ITGB4: variants seen among roughly 807,000 people sequenced by gnomAD.
ITGB4 encodes the protein integrin subunit beta 4.
In ITGB4, 159 loss-of-function variants were observed where a neutral mutation model predicts 207.6. The observed-to-expected ratio is 0.77, with a 90% CI of 0.67 to 0.87. ITGB4 has a LOEUF of 0.87. Ranked by LOEUF, ITGB4 falls within the 40% of genes least tolerant of loss-of-function variation. ITGB4 has a pLI of 0.00. For synonymous variants in ITGB4, 1,020 were observed against 1,062.7 expected (o/e 0.96, Z 0.78); for missense variants, 2,278 against 2,546.8 (o/e 0.89, Z 2.27).
Position 75,748,935 on chromosome 17 carries a change from C to G in ITGB4, c.3206C>G (p.Ser1069Cys). 1.2e-6 allele frequency: 2 copies of G among 1,613,280 alleles called. No individual in the cohort carries two copies. Among genetic ancestry groups the G allele is most frequent in the Non-Finnish European group, 1.7e-6 (2 of 1,179,940 alleles). ...CTCCTGGAGCTGCAAGAAGTTGACT[C>G]CCTCCTGCGGGGCCGCCAGGTCCGC... Reference protein sequence around the residue: ...VKLLELQEVDSLLRGRQVRRF... With the variant: ...VKLLELQEVDCLLRGRQVRRF... Residue 1069 changes from serine (S) to cysteine (C), a missense_variant, in exon 27 of 40, where the codon TCC (serine) becomes TGC (cysteine). Ser to Cys is a moderately radical substitution (Grantham distance 112). Transcript: ENST00000200181.
Position 75,727,090 on chromosome 17 carries a change from A to C in ITGB4, c.80-105A>C. The C allele has an allele frequency of 3.4e-6, 3 of 875,242 alleles. No homozygotes were observed. The highest frequency in any genetic ancestry group is 5.6e-6 in the Non-Finnish European group (3 of 532,664). The allele number at this position is 875,242 out of a possible 1,614,324, so 54.2% of individuals were successfully genotyped here. A position where few individuals can be genotyped will look rare whatever the true frequency, so the allele number is the denominator to read the frequency against. On this transcript the variant is annotated intron_variant, in intron 2 of 39. Coordinates refer to ENST00000200181, the MANE Select transcript of ITGB4 (RefSeq NM_000213.5). The surrounding 1 kb of genome is among the most constrained non-coding windows in gnomAD (Gnocchi z 6.0). The stretch of plus-strand genomic sequence containing the variant: ...TCTGTCTCAAAATAAATAAATAAAT[A>C]ACATAAGGAGGGAATCCCCATCTCT...
chr17:75,746,443 G>C (rs2061234244), intron 26 of ITGB4: 1 of 152,034 alleles, frequency 6.6e-6, no homozygotes, highest in African/African-American at 2.4e-5. Context: ...ATGTTGGTCA[G>C]GCTGGTCTCG....
Position 75,731,329 on chromosome 17 carries a change from G to A in ITGB4, c.1176G>A (p.Lys392=). The A allele has an allele frequency of 6.2e-7, 1 of 1,613,408 alleles. No homozygotes were observed. The highest frequency in any genetic ancestry group is 8.5e-7 in the Non-Finnish European group (1 of 1,179,994). Residue 392 remains lysine (K), a synonymous_variant, in exon 10 of 40, where the codon AAG becomes AAA. Coordinates refer to ENST00000200181, the MANE Select transcript of ITGB4 (RefSeq NM_000213.5). The surrounding 1 kb of genome is among the most constrained non-coding windows in gnomAD (Gnocchi z 6.8). Reference sequence around the variant, plus strand: ...AGGTCACCTCCAAGATGTTCCAGAAGACGAGGACTGGGTCCTTTCACATCC... The same window carrying A: ...AGGTCACCTCCAAGATGTTCCAGAAAACGAGGACTGGGTCCTTTCACATCC... ...RTEVTSKMFQ[K]TRTGSFHIRR...
In ITGB4 at chr17:75,729,207, C is replaced by A; in HGVS notation, c.567-58C>A. On this transcript the variant is annotated intron_variant, in intron 6 of 39. Coordinates refer to ENST00000200181, the MANE Select transcript of ITGB4 (RefSeq NM_000213.5). The surrounding 1 kb of genome is among the most constrained non-coding windows in gnomAD (Gnocchi z 4.4). ...TTCTAGTTGAAACGAGCCAGGGGCA[C>A]TGGGGTCTGCGGCGTCTTCCCCCTG... 6.5e-7 allele frequency: 1 copy of A among 1,549,450 alleles called. No individual in the cohort carries two copies. Among genetic ancestry groups the A allele is most frequent in the Admixed American group, 1.7e-5 (1 of 57,434 alleles).
chr17:75,748,762 G>A (rs911664066), intron 26 of ITGB4, 79 bp from the exon 27 acceptor site: 10 of 1,053,274 alleles, frequency 9.5e-6, no homozygotes, highest in African/African-American at 1.6e-5. Context: ...GTGTCCATGA[G>A]GTTGGGAGGG....
Position 75,752,444 on chromosome 17 carries a change from A to C in ITGB4, c.3977-2A>C. ...GCCCTGGCTCACTCCCCTGCCCTGCAGTCCCCATCATCCCTGACATCCCTA... is the reference window on the plus strand; with the variant it reads ...GCCCTGGCTCACTCCCCTGCCCTGCCGTCCCCATCATCCCTGACATCCCTA... On this transcript the variant is annotated splice_acceptor_variant, in intron 31 of 39. Transcript: ENST00000200181. LOFTEE classifies it high-confidence loss of function. 2.5e-6 allele frequency: 4 copies of C among 1,613,330 alleles called. No homozygotes were observed. The highest frequency in any genetic ancestry group is 3.4e-6 in the Non-Finnish European group (4 of 1,179,954).
chr17:75,721,793 G>A, intron 1 of ITGB4, among the ~76,000 whole-genome samples, 181 bp downstream of exon 1: 1 of 152,244 alleles, frequency 6.6e-6, no homozygotes, highest in East Asian at 1.9e-4. Context: ...CAAGGGGCAG[G>A]GCAGCTAGAG....
chr17:75,740,628 G>A lies in ITGB4; in HGVS notation c.2551-165G>A, dbSNP rs2061086160. ...GCATCCTGGGATCTGTTTCCAGAGG[G>A]CAGAAGGCCAGAGCCTGGGCCCAGG... On this transcript the variant is annotated intron_variant, in intron 21 of 39. Transcript: ENST00000200181. This position sits in a 1 kb window ranked among gnomAD's most constrained non-coding sequence, Gnocchi z 5.9. 8 of 968,322 alleles carry A rather than the reference G, an allele frequency of 8.3e-6. No individual in the cohort carries two copies. The South Asian group carries it at 1.1e-4, about 13-fold the overall frequency. 60.0% of individuals were successfully genotyped at this position (968,322 alleles called of 1,614,324 possible). A position where few individuals can be genotyped will look rare whatever the true frequency, so the allele number is the denominator to read the frequency against.
Position 75,731,768 on chromosome 17 carries a change from C to T in ITGB4, c.1216-44C>T, listed in dbSNP as rs1432825378. The T allele has an allele frequency of 5.9e-6, 9 of 1,536,794 alleles. No individual in the cohort carries two copies. The highest frequency in any genetic ancestry group is 2.4e-5 in the East Asian group (1 of 40,904). On this transcript the variant is annotated intron_variant, in intron 10 of 39. Coordinates refer to ENST00000200181, the MANE Select transcript of ITGB4 (RefSeq NM_000213.5). This position sits in a 1 kb window ranked among gnomAD's most constrained non-coding sequence, Gnocchi z 6.8. ...CTTCAGGCATCGATGGCCCCCTGGTCCTTGGGGCTGGGCCTGCCTTGGCTG... is the reference window on the plus strand; with the variant it reads ...CTTCAGGCATCGATGGCCCCCTGGTTCTTGGGGCTGGGCCTGCCTTGGCTG...
chr17:75,742,803 C>G lies in ITGB4; in HGVS notation c.2962+42C>G. ...AGAGTGGGGAAGGCAGACGGGGGCT[C>G]GGGGGCACTGGTTCCTCCTGCTTAA... On this transcript the variant is annotated intron_variant, in intron 25 of 39. Transcript: ENST00000200181. The surrounding 1 kb of genome is among the most constrained non-coding windows in gnomAD (Gnocchi z 5.9). 1 of 1,562,818 alleles carries G rather than the reference C, an allele frequency of 6.4e-7. No individual in the cohort carries two copies. Among genetic ancestry groups the G allele is most frequent in the Non-Finnish European group, 8.7e-7 (1 of 1,153,624 alleles).
At chr17:75,733,785 G>A (rs925186479) in intron 13 of ITGB4, 93 bp downstream of exon 13, 12 of 1,372,292 alleles carry the variant, frequency 8.7e-6, no homozygotes, top group African/African-American at 1.4e-5. Flanking sequence ...GGGAGAGCCA[G>A]ACTTGGAATC....
In ITGB4 at chr17:75,737,398, C is replaced by T. The variant is rs1020515752; in HGVS notation, c.2067C>T (p.Asp689=). The change falls in exon 17 of 40, where the codon GAC becomes GAT. Residue 689 remains aspartate (D), a synonymous_variant. Coordinates refer to ENST00000200181, the MANE Select transcript of ITGB4 (RefSeq NM_000213.5). ...CCTACAGCTACACCATGGAAGGTGA[C>T]GGCGCCCCTGGGCCCAACAGCACTG... ...DCTYSYTMEG[D]GAPGPNSTVL... is the part of the protein sequence containing the mutation. The T allele has an allele frequency of 1.2e-5, 19 of 1,566,008 alleles. No individual in the cohort carries two copies. Among genetic ancestry groups the T allele is most frequent in the Admixed American group, 1.9e-5 (1 of 52,598 alleles).
chr17:75,745,947 A>G (rs1190719227), intron 26 of ITGB4, among the ~76,000 whole-genome samples: 1 of 152,216 alleles, frequency 6.6e-6, no homozygotes, highest in Non-Finnish European at 1.5e-5. Flanking sequence ...AGGCCCATTC[A>G]GCAAACATAG....
chr17:75,727,450 CG>C lies in ITGB4; in HGVS notation c.212del (p.Gly71AlafsTer90). 6.2e-7 allele frequency: 1 copy of C among 1,613,966 alleles called. No individual in the cohort carries two copies. The highest frequency in any genetic ancestry group is 8.5e-7 in the Non-Finnish European group (1 of 1,180,020). On this transcript the variant is annotated frameshift_variant, in exon 4 of 40. Coordinates refer to ENST00000200181, the MANE Select transcript of ITGB4 (RefSeq NM_000213.5). LOFTEE classifies it high-confidence loss of function. This position sits in a 1 kb window ranked among gnomAD's most constrained non-coding sequence, Gnocchi z 6.0. ...AACACCCAGGCGGAGCTGCTGGCCG[CG>C]GGCTGCCAGCGGGAGAGCATCGTGG... is the stretch of plus-strand genomic sequence containing the variant. ...RCNTQAELLA[A>X]GCQRESIVVM...
At position 75,722,954 on chromosome 17, in the gene ITGB4, C is replaced by T. The variant is rs1243909463; in HGVS notation, c.-11+1342C>T. 1.3e-5 allele frequency among the ~76,000 whole-genome samples: 2 copies of T among 152,164 alleles called. No individual in the cohort carries two copies. Among genetic ancestry groups the T allele is most frequent in the Non-Finnish European group, 2.9e-5 (2 of 68,026 alleles). The stretch of plus-strand genomic sequence containing the variant: ...GCGCTGGGCCCAGCCCATCGTGATA[C>T]ATCTAATGATAAACACAAATTCCTA... On this transcript the variant is annotated intron_variant, in intron 1 of 39. Coordinates refer to ENST00000200181, the MANE Select transcript of ITGB4 (RefSeq NM_000213.5). The surrounding 1 kb of genome is among the most constrained non-coding windows in gnomAD (Gnocchi z 6.2).
In ITGB4 at chr17:75,743,779, TC is replaced by T; in HGVS notation, c.3032del (p.Pro1011LeufsTer49). 1 of 1,613,420 alleles carries T rather than the reference TC, an allele frequency of 6.2e-7. No individual in the cohort carries two copies. Among genetic ancestry groups the T allele is most frequent in the Non-Finnish European group, 8.5e-7 (1 of 1,179,964 alleles). ...AGCCGCGGGGACCAGGTGGCCCGCA[TC>T]CCTGTCATCCGGCGTGTCCTGGACG... Reference protein sequence around the residue: ...SVSRGDQVARIPVIRRVLDGG... With the variant: ...SVSRGDQVARXPVIRRVLDGG... On this transcript the variant is annotated frameshift_variant, in exon 26 of 40. Coordinates refer to ENST00000200181, the MANE Select transcript of ITGB4 (RefSeq NM_000213.5). LOFTEE classifies it high-confidence loss of function.
Position 75,743,851 on chromosome 17 carries a change from A to G in ITGB4, c.3101A>G (p.Gln1034Arg). The change falls in exon 26 of 40, where the codon CAG (glutamine) becomes CGG (arginine). Residue 1034 changes from glutamine (Q) to arginine (R), a missense_variant. Gln to Arg is a conservative substitution (Grantham distance 43). Transcript: ENST00000200181. ...TACCGCACACAGGATGGCACCGCGCAGGGCAACCGGGTGAGGCTGCGCCAC... is the reference window on the plus strand; with the variant it reads ...TACCGCACACAGGATGGCACCGCGCGGGGCAACCGGGTGAGGCTGCGCCAC... ...VSYRTQDGTA[Q>R]GNRDYIPVEG... 6.3e-7 allele frequency: 1 copy of G among 1,591,202 alleles called. No individual in the cohort carries two copies. Among genetic ancestry groups the G allele is most frequent in the Admixed American group, 1.8e-5 (1 of 55,750 alleles).
intron 30 of ITGB4, chr17:75,751,818 G>C (rs556421781): frequency 3.4e-4 from 128 of 380,270 alleles, no homozygotes; most frequent in African/African-American, 2.5e-3. Flanking sequence ...TAGCAGAACA[G>C]TTATTTCTCC....
rs893603094 is a variant in ITGB4, at chr17:75,739,737, G to T, written c.2254+32G>T. The T allele has an allele frequency of 6.2e-7, 1 of 1,613,840 alleles. No homozygotes were observed. Among genetic ancestry groups the T allele is most frequent in the Admixed American group, 1.7e-5 (1 of 60,032 alleles). On this transcript the variant is annotated intron_variant, in intron 19 of 39. Transcript: ENST00000200181. This position sits in a 1 kb window ranked among gnomAD's most constrained non-coding sequence, Gnocchi z 5.4. ...GCCTGGCATCGCAGGGGCAGCAGGG[G>T]CTCTGACTGCTCTTTCTCTGAGCTG...
Sources: allele counts gnomAD v4.1 joint callset (sites outside exome capture counted in the v4.1 genomes callset), GRCh38; gene constraint gnomAD v4.1.1; non-coding constraint Gnocchi (gnomAD v3.1); transcripts MANE v1.5; gene names NCBI Gene and HGNC (gene_info 2026-07-23, HGNC 2026-07-21).